The following DSCAML1 variants were observed in gnomAD, a reference collection of about 807,000 sequenced individuals.
DSCAML1 encodes DS cell adhesion molecule like 1, also known as cell adhesion molecule DSCAML1.
Under a neutral mutation model 200.5 loss-of-function variants are expected in DSCAML1, and 38 were observed. The ratio of observed to expected loss-of-function variants is 0.19; its 90% CI spans 0.15 to 0.25. DSCAML1 has a LOEUF of 0.25. DSCAML1 is among the 10% of genes least tolerant of loss of function. The pLI is 1.00. For synonymous variants in DSCAML1, 1,215 were observed against 1,165.0 expected (o/e 1.04, Z -0.87); for missense variants, 2,223 against 2,858.8 (o/e 0.78, Z 5.07).
chr11:117,504,924 C>T lies in DSCAML1; in HGVS notation c.2182G>A (p.Gly728Arg), dbSNP rs1280188544. ...PPKVMWKHAK[G>R]SGNPQQYHPV... Reference sequence around the variant, plus strand: ...GATTCTGGCTGGGCCAGGGGCTTACCCTTGGCATGCTTCCACATGACCTTG... The same window carrying T: ...GATTCTGGCTGGGCCAGGGGCTTACTCTTGGCATGCTTCCACATGACCTTG... The change falls in exon 10 of 33, where the codon GGG becomes AGG. Residue 728 changes from glycine (G) to arginine (R), a missense_variant and splice_region_variant. Coordinates refer to ENST00000651296, the MANE Select transcript of DSCAML1 (RefSeq NM_020693.4). The surrounding 1 kb of genome is among the most constrained non-coding windows in gnomAD (Gnocchi z 5.0). The T allele has an allele frequency of 1.0e-5, 16 of 1,607,436 alleles. No homozygotes were observed. The highest frequency in any genetic ancestry group is 1.4e-5 in the Non-Finnish European group (16 of 1,175,858).
chr11:117,440,326 T>C (rs2048017810), intron 21 of DSCAML1, among the ~76,000 whole-genome samples: 1 of 151,998 alleles, frequency 6.6e-6, no homozygotes, highest in Non-Finnish European at 1.5e-5. Flanking sequence ...ATGCTGCCCA[T>C]AAGTGGGCAG....
chr11:117,597,702 C>T (rs373474747), intron 3 of DSCAML1, among the ~76,000 whole-genome samples: 84 of 152,210 alleles, frequency 5.5e-4, no homozygotes, highest in African/African-American at 1.9e-3. Context: ...GTGATCCACC[C>T]GCTTCGGCCT....
At chr11:117,492,760 CGGCAGCGGCATCTCCAGGCCT>C (rs1565737136) in intron 11 of DSCAML1, among the ~76,000 whole-genome samples, 3 of 152,170 alleles carry the variant, frequency 2.0e-5, no homozygotes, top group Non-Finnish European at 4.4e-5. Context: ...CAGCCTTCGA[CGGCAGCGGCATCTCCAGGCCT>C]CCCCTGGGAA....
In DSCAML1 at chr11:117,740,810, T is replaced by C. The variant is rs79934525; in HGVS notation, c.511+35981A>G. Among the ~76,000 whole-genome samples, 1,363 of 152,370 alleles carry C rather than the reference T, an allele frequency of 8.9e-3. 21 individuals carry two copies. The highest frequency in any genetic ancestry group is 0.031 in the African/African-American group (1,304 of 41,576). On this transcript the variant is annotated intron_variant, in intron 3 of 32. Transcript: ENST00000651296. The stretch of plus-strand genomic sequence containing the variant: ...CTGCCAATAACTATGGCCACAGATT[T>C]GTTGCTGCACACTCGCATCTCCAGA...
intron 3 of DSCAML1, among the ~76,000 whole-genome samples, chr11:117,616,457 T>C (rs1446934622): frequency 3.3e-5 from 5 of 152,256 alleles, no homozygotes; most frequent in Non-Finnish European, 5.9e-5. Flanking sequence ...CATTGTTGTA[T>C]AGTATTTCAT....
At chr11:117,430,404 G>C (rs1592558485) in intron 32 of DSCAML1, among the ~76,000 whole-genome samples, 1 of 152,212 alleles carries the variant, frequency 6.6e-6, no homozygotes, top group Non-Finnish European at 1.5e-5. Flanking sequence ...CAACACGCTG[G>C]GGATGTATAT....
intron 3 of DSCAML1, among the ~76,000 whole-genome samples, chr11:117,769,171 T>A (rs1224227041): frequency 0.015 from 346 of 23,136 alleles, 1 homozygote; most frequent in Admixed American, 0.035. Context: ...ATTATATATT[T>A]TATATATATT....
At chr11:117,692,832 A>G (rs752860907) in intron 3 of DSCAML1, among the ~76,000 whole-genome samples, 1 of 152,120 alleles carries the variant, frequency 6.6e-6, no homozygotes, top group Non-Finnish European at 1.5e-5. Context: ...ATGGAACTGA[A>G]ACCGGTTGTT....
chr11:117,790,768 G>A (rs1204880407), intron 1 of DSCAML1, among the ~76,000 whole-genome samples: 3 of 152,160 alleles, frequency 2.0e-5, no homozygotes, highest in Admixed American at 6.5e-5. Context: ...TACAGATTAC[G>A]AAATAAAGGC....
At chr11:117,655,912 C>T (rs1377713070) in intron 3 of DSCAML1, among the ~76,000 whole-genome samples, 2 of 152,062 alleles carry the variant, frequency 1.3e-5, no homozygotes, top group Non-Finnish European at 2.9e-5. Flanking sequence ...GAGTGTGCAG[C>T]GTGAGGGACG....
At chr11:117,531,153 C>T (rs2050070070) in intron 4 of DSCAML1, among the ~76,000 whole-genome samples, 2 of 152,174 alleles carry the variant, frequency 1.3e-5, no homozygotes, top group African/African-American at 2.4e-5. Flanking sequence ...GAAAGCCTAC[C>T]TCGAGGAGCG....
chr11:117,724,808 G>T (rs1389343030), intron 3 of DSCAML1, among the ~76,000 whole-genome samples: 1 of 152,166 alleles, frequency 6.6e-6, no homozygotes, highest in Non-Finnish European at 1.5e-5. Flanking sequence ...GACACTCTCT[G>T]CACTTGAGCC....
chr11:117,727,464 C>A (rs2054151080), intron 3 of DSCAML1, among the ~76,000 whole-genome samples: 3 of 152,194 alleles, frequency 2.0e-5, no homozygotes, highest in African/African-American at 7.2e-5. Flanking sequence ...CACTCACTCA[C>A]CCTAAGTTGG....
In DSCAML1 at chr11:117,450,533, C is replaced by G; in HGVS notation, c.3708+16G>C. ...TTCTTCCATCCCCTTCATCATCTGG[C>G]CCTGAACTCACTTACCGGCTGGCCA... On this transcript the variant is annotated intron_variant, in intron 20 of 32. Transcript: ENST00000651296. 6.2e-7 allele frequency: 1 copy of G among 1,613,060 alleles called. No homozygotes were observed. The highest frequency in any genetic ancestry group is 8.5e-7 in the Non-Finnish European group (1 of 1,179,618).
At chr11:117,757,573 TACAC>T (rs5795104) in intron 3 of DSCAML1, among the ~76,000 whole-genome samples, 3,418 of 146,830 alleles carry the variant, frequency 0.023, 73 homozygotes, top group African/African-American at 0.058. Flanking sequence ...TAGGAGCCTA[TACAC>T]ACACACACAC....
intron 4 of DSCAML1, 50 bp downstream of exon 4, chr11:117,532,326 G>GTGTC: frequency 1.3e-6 from 2 of 1,575,930 alleles, no homozygotes; most frequent in Middle Eastern, 3.9e-4. Context: ...GGATGGCCTG[G>GTGTC]TGTCCTCCCT....
intron 20 of DSCAML1, among the ~76,000 whole-genome samples, chr11:117,444,268 C>T (rs2048131516): frequency 6.6e-6 from 1 of 152,212 alleles, no homozygotes; most frequent in Non-Finnish European, 1.5e-5. Flanking sequence ...GGGTCAGCCT[C>T]AGTTTACCTC....
At chr11:117,428,981 G>C (rs559620443) in intron 32 of DSCAML1, among the ~76,000 whole-genome samples, 178 bp from the exon 33 acceptor site, 6 of 152,318 alleles carry the variant, frequency 3.9e-5, no homozygotes, top group Admixed American at 2.6e-4. Flanking sequence ...CTGAGCCTTC[G>C]TTTCCTTATC....
rs751688355 is a variant in DSCAML1 at position 117,516,475 on chromosome 11, G to A, written c.1775C>T (p.Ala592Val). 1 of 1,612,046 alleles carries A rather than the reference G, an allele frequency of 6.2e-7. No individual in the cohort carries two copies. Among genetic ancestry groups the A allele is most frequent in the Non-Finnish European group, 8.5e-7 (1 of 1,178,632 alleles). ...TGGTGAGGGAGGCCTACCTTTGACG[G>A]CTACGTGAACGCTCTGGCTGATGGA... is the stretch of plus-strand genomic sequence containing the variant. The part of the protein sequence containing the change: ...QLSISQSVHV[A>V]VKVPPLIQPF... Residue 592 changes from alanine (A) to valine (V), a missense_variant, in exon 8 of 33, where the codon GCC becomes GTC. Ala to Val is a moderately conservative substitution (Grantham distance 64, BLOSUM62 0). Coordinates refer to ENST00000651296, the MANE Select transcript of DSCAML1 (RefSeq NM_020693.4). This position sits in a 1 kb window ranked among gnomAD's most constrained non-coding sequence, Gnocchi z 5.7.
Sources: allele counts gnomAD v4.1 joint callset (sites outside exome capture counted in the v4.1 genomes callset), GRCh38; gene constraint gnomAD v4.1.1; non-coding constraint Gnocchi (gnomAD v3.1); transcripts MANE v1.5; gene names NCBI Gene and HGNC (gene_info 2026-07-23, HGNC 2026-07-21).